The following ZNF670 variants were observed in gnomAD, a reference collection of about 807,000 sequenced individuals.
The protein encoded by ZNF670 is zinc finger protein 670.
ZNF670 carries 7 observed loss-of-function variants against 10.9 expected under a neutral mutation model. The ratio of observed to expected loss-of-function variants is 0.64; its 90% CI spans 0.36 to 1.20. The LOEUF is 1.20. ZNF670 is among the 50% of genes most tolerant of loss of function. ZNF670 has a pLI of 0.02. For missense variants in ZNF670, 446 were observed against 458.6 expected, an observed-to-expected ratio of 0.97 and a Z score of 0.25; for synonymous variants, 136 against 152.7, an observed-to-expected ratio of 0.89 and a Z score of 0.81.
At chr1:247,072,831 T>TACAC (rs1196988072) in intron 1 of ZNF670, among the ~76,000 whole-genome samples, 3,491 of 85,918 alleles carry the variant, frequency 0.041, 218 homozygotes, top group Middle Eastern at 0.083. Flanking sequence ...TATATATATA[T>TACAC]ATATATATGC....
rs922733751 is a variant in ZNF670 at position 247,078,673 on chromosome 1, G to C, written c.-77C>G. 1.7e-5 allele frequency: 26 copies of C among 1,549,334 alleles called. No homozygotes were observed. The highest frequency in any genetic ancestry group is 2.0e-5 in the Non-Finnish European group (22 of 1,126,322). ...AGGTCCCAGAGCAACAGAAGCTGCC[G>C]CGGGACCACTTGGACCTCCCAGGGA... is the stretch of plus-strand genomic sequence containing the variant. On this transcript the variant is annotated 5_prime_UTR_variant, in exon 1 of 4. Transcript: ENST00000366503.
At chr1:247,067,493 C>T (rs1671011239) in intron 1 of ZNF670, among the ~76,000 whole-genome samples, 1 of 151,048 alleles carries the variant, frequency 6.6e-6, no homozygotes, top group Non-Finnish European at 1.5e-5. Flanking sequence ...GGTAGTTCCC[C>T]ACAAGCACAG....
At chr1:247,063,675 C>A (rs553197067) in intron 1 of ZNF670, among the ~76,000 whole-genome samples, 2 of 150,022 alleles carry the variant, frequency 1.3e-5, no homozygotes, top group African/African-American at 2.5e-5. Context: ...GGATTTGAGA[C>A]TCTGTTTTTC....
At chr1:247,065,560 A>G (rs1670961414) in intron 1 of ZNF670, among the ~76,000 whole-genome samples, 1 of 152,250 alleles carries the variant, frequency 6.6e-6, no homozygotes, top group Non-Finnish European at 1.5e-5. Flanking sequence ...GGGAAAAAAT[A>G]TATTTGCAGT....
chr1:247,063,065 G>A (rs978117610), intron 1 of ZNF670, among the ~76,000 whole-genome samples: 2 of 152,224 alleles, frequency 1.3e-5, no homozygotes, highest in Non-Finnish European at 2.9e-5. Context: ...AAAAGGAGGA[G>A]AGTCATGAAG....
chr1:247,072,700 T>C (rs1025503889), intron 1 of ZNF670, among the ~76,000 whole-genome samples: 2 of 149,954 alleles, frequency 1.3e-5, no homozygotes, highest in Non-Finnish European at 3.0e-5. Flanking sequence ...GGCAGGAGAA[T>C]TGCTTGAACC....
In ZNF670 at chr1:247,036,616, T is replaced by G. The variant is rs1670156479; in HGVS notation, c.*833A>C. Reference sequence around the variant, plus strand: ...ATTTGAGGCTGCAGTGAGCTAAGACTATTATTACCACTACACTTCAGCCTA... The same window carrying G: ...ATTTGAGGCTGCAGTGAGCTAAGACGATTATTACCACTACACTTCAGCCTA... On this transcript the variant is annotated 3_prime_UTR_variant, in exon 4 of 4. Coordinates refer to ENST00000366503, the MANE Select transcript of ZNF670 (RefSeq NM_033213.5). Among the ~76,000 whole-genome samples, 1 of 152,136 alleles carries G rather than the reference T, an allele frequency of 6.6e-6. No homozygotes were observed. Among genetic ancestry groups the G allele is most frequent in the African/African-American group, 2.4e-5 (1 of 41,426 alleles).
chr1:247,037,304 G>T lies in ZNF670; in HGVS notation c.*145C>A. ...GTTTTAGAAGGGAACTAGGAAAATT[G>T]CATACATTCTAATCTTCCTTACATG... On this transcript the variant is annotated 3_prime_UTR_variant, in exon 4 of 4. Coordinates refer to ENST00000366503, the MANE Select transcript of ZNF670 (RefSeq NM_033213.5). 1 of 981,542 alleles carries T rather than the reference G, an allele frequency of 1.0e-6. No individual in the cohort carries two copies. Among genetic ancestry groups the T allele is most frequent in the Non-Finnish European group, 1.4e-6 (1 of 710,946 alleles). 60.8% of individuals were successfully genotyped at this position (981,542 alleles called of 1,614,324 possible).
At chr1:247,076,542 C>A (rs1474955908) in intron 1 of ZNF670, among the ~76,000 whole-genome samples, 1 of 152,174 alleles carries the variant, frequency 6.6e-6, no homozygotes, top group Non-Finnish European at 1.5e-5. Context: ...AGGCGTGAGC[C>A]ACCGCACCTG....
intron 1 of ZNF670, among the ~76,000 whole-genome samples, chr1:247,067,082 C>T (rs577467441): frequency 2.3e-4 from 35 of 152,158 alleles, no homozygotes; most frequent in Non-Finnish European, 4.3e-4. Flanking sequence ...CAAGGACCTC[C>T]TGAGGCTATG....
intron 1 of ZNF670, among the ~76,000 whole-genome samples, chr1:247,070,784 C>G (rs1295394128): frequency 6.6e-6 from 1 of 152,026 alleles, no homozygotes; most frequent in Non-Finnish European, 1.5e-5. Flanking sequence ...AACTAATCAA[C>G]AAGGAAAAAT....
intron 1 of ZNF670, among the ~76,000 whole-genome samples, chr1:247,051,565 T>C (rs575223875): frequency 4.6e-5 from 7 of 152,296 alleles, no homozygotes; most frequent in Non-Finnish European, 1.0e-4. Flanking sequence ...TTCTTAATTT[T>C]AGATAACCTG....
At position 247,078,614 on chromosome 1, in the gene ZNF670, C is replaced by T. The variant is rs768037981; in HGVS notation, c.-18G>A. On this transcript the variant is annotated 5_prime_UTR_variant, in exon 1 of 4. Transcript: ENST00000366503. ...CTCACCATTTCCCAGTCTCCGGTGT[C>T]TGGGGTCCTCCCTAAGGACCTTCCG... The T allele has an allele frequency of 3.1e-6, 5 of 1,613,858 alleles. No individual in the cohort carries two copies. The highest frequency in any genetic ancestry group is 4.2e-6 in the Non-Finnish European group (5 of 1,179,866).
At chr1:247,039,564 G>A (rs760332554) in intron 1 of ZNF670, 27 bp from the exon 2 acceptor site, 1 of 1,541,802 alleles carries the variant, frequency 6.5e-7, no homozygotes, top group Middle Eastern at 1.7e-4. Flanking sequence ...ATGTGGAGAG[G>A]AGGATGGCTT....
chr1:247,078,450 G>T, intron 1 of ZNF670, 144 bp downstream of exon 1: 2 of 1,056,650 alleles, frequency 1.9e-6, no homozygotes, highest in Non-Finnish European at 2.8e-6. Context: ...CTGGCTGCGG[G>T]TCCAGCCCCG....
intron 1 of ZNF670, among the ~76,000 whole-genome samples, chr1:247,060,424 TAAAA>T (rs1670831848): frequency 6.6e-6 from 1 of 152,094 alleles, no homozygotes; most frequent in African/African-American, 2.4e-5. Flanking sequence ...CGCAAGGAAA[TAAAA>T]AAGACACCTT....
chr1:247,040,623 G>C (rs1449855013), intron 1 of ZNF670, among the ~76,000 whole-genome samples: 2 of 152,316 alleles, frequency 1.3e-5, no homozygotes, highest in African/African-American at 4.8e-5. Context: ...TATTAATGTG[G>C]AGATAAACAA....
intron 1 of ZNF670, among the ~76,000 whole-genome samples, chr1:247,053,970 A>T (rs923294538): frequency 1.3e-5 from 2 of 152,018 alleles, no homozygotes; most frequent in African/African-American, 2.4e-5. Context: ...TGCCAACACC[A>T]CCCTTCCTCC....
Position 247,037,788 on chromosome 1 carries a change from T to C in ZNF670, c.831A>G (p.Gly277=). The change falls in exon 4 of 4, where the codon GGA becomes GGG. Residue 277 remains glycine, a synonymous_variant. Transcript: ENST00000366503. ...ATTTTATACATTCATAGGGTTTTTC[T>C]CCAGTATGCGTTCTTTCATGTATTC... The part of the protein sequence containing the change: ...YLGIHERTHT[G]EKPYECIKCG... The C allele has an allele frequency of 6.2e-7, 1 of 1,613,844 alleles. No individual in the cohort carries two copies. Among genetic ancestry groups the C allele is most frequent in the South Asian group, 1.1e-5 (1 of 91,014 alleles).
Sources: allele counts gnomAD v4.1 joint callset (sites outside exome capture counted in the v4.1 genomes callset), GRCh38; gene constraint gnomAD v4.1.1; transcripts MANE v1.5; gene names NCBI Gene and HGNC (gene_info 2026-07-23, HGNC 2026-07-21).